The following PMPCB variants were observed in gnomAD, a reference collection of about 807,000 sequenced individuals.
PMPCB encodes mitochondrial-processing peptidase subunit beta.
In PMPCB, 46 loss-of-function variants were observed where a neutral mutation model predicts 61.5. The ratio of observed to expected loss-of-function variants is 0.75; its 90% CI spans 0.59 to 0.96. The LOEUF is 0.96. Ranked by LOEUF, PMPCB falls within the 40% of genes least tolerant of loss-of-function variation. The pLI is 0.00. For missense variants in PMPCB, 590 were observed against 602.4 expected (o/e 0.98, Z 0.22); for synonymous variants, 191 against 201.6 (o/e 0.95, Z 0.44).
chr7:103,321,372 G>T (rs1017959492), intron 12 of PMPCB, among the ~76,000 whole-genome samples: 2 of 151,954 alleles, frequency 1.3e-5, no homozygotes, highest in African/African-American at 4.8e-5. Flanking sequence ...CAAAAAATTA[G>T]CCAGGCGTGG....
At chr7:103,303,582 A>G (rs1261315450) in intron 4 of PMPCB, among the ~76,000 whole-genome samples, 1 of 152,188 alleles carries the variant, frequency 6.6e-6, no homozygotes, top group Non-Finnish European at 1.5e-5. Context: ...TTTCCATAGC[A>G]TTTTTTAAGT....
chr7:103,309,584 G>A (rs955145269), intron 8 of PMPCB, among the ~76,000 whole-genome samples: 7 of 152,128 alleles, frequency 4.6e-5, no homozygotes, highest in Non-Finnish European at 8.8e-5. Context: ...ACAGGAGAAT[G>A]TGCTTATATG....
intron 12 of PMPCB, chr7:103,322,751 T>G (rs767821808): frequency 3.7e-6 from 6 of 1,609,502 alleles, no homozygotes; most frequent in Non-Finnish European, 5.1e-6. Context: ...CTTTGTGCTC[T>G]TGTTGCTCTG....
At chr7:103,310,639 A>G (rs542599374) in intron 9 of PMPCB, 164 bp downstream of exon 9, 23 of 479,800 alleles carry the variant, frequency 4.8e-5, no homozygotes, top group African/African-American at 2.0e-5. Context: ...GGTTTTTCCT[A>G]AGTCTCAAGA....
Position 103,324,384 on chromosome 7 carries a change from A to G in PMPCB, c.*1432-4547A>G, listed in dbSNP as rs191449787. The G allele has an allele frequency of 3.0e-5, 33 of 1,103,522 alleles. No homozygotes were observed. In the African/African-American group the frequency reaches 4.9e-4, roughly 17 times the overall value. The allele number at this position is 1,103,522 out of a possible 1,614,324, so 68.4% of individuals were successfully genotyped here. A position where few individuals can be genotyped will look rare whatever the true frequency, so the allele number is the denominator to read the frequency against. ...GCTTTTGTTCAGTGAAGGTTCTGCA[A>G]TTTGTCCATCTGAATTAATTTATAA... is the stretch of plus-strand genomic sequence containing the variant. On this transcript the variant is annotated intron_variant and NMD_transcript_variant, in intron 12 of 12. Transcript: ENST00000444457.
chr7:103,297,806 A>T, intron 1 of PMPCB: 1 of 1,526,398 alleles, frequency 6.6e-7, no homozygotes, highest in Non-Finnish European at 8.8e-7. Flanking sequence ...CCAGCTACTG[A>T]GGAGTGCATG....
intron 6 of PMPCB, among the ~76,000 whole-genome samples, chr7:103,305,824 C>T (rs1281904976): frequency 1.3e-5 from 2 of 152,176 alleles, no homozygotes; most frequent in East Asian, 3.8e-4. Context: ...TTGGCTCTTG[C>T]AGACTTGGGC....
rs547775787 is a variant in PMPCB at position 103,325,605 on chromosome 7, T to C, written c.*1432-3326T>C. Among the ~76,000 whole-genome samples the C allele has an allele frequency of 2.0e-5, 3 of 152,284 alleles. No homozygotes were observed. In the South Asian group the frequency reaches 6.2e-4, roughly 32 times the overall value. On this transcript the variant is annotated intron_variant and NMD_transcript_variant, in intron 12 of 12. Coordinates refer to the PMPCB transcript ENST00000444457. ...AAATCCCCACAGAAATTCAAACCAATAAATCAGAATCTTTCCAGGTGGAAC... is the reference window on the plus strand; with the variant it reads ...AAATCCCCACAGAAATTCAAACCAACAAATCAGAATCTTTCCAGGTGGAAC...
In PMPCB at chr7:103,313,141, C is replaced by A. The variant is rs1401469659; in HGVS notation, c.*870C>A. Reference sequence around the variant, plus strand: ...TTTTTATTTGAAAACTGTCTTTGAACATGTTCTCAGACAAGTCTTGTGGTC... The same window carrying A: ...TTTTTATTTGAAAACTGTCTTTGAAAATGTTCTCAGACAAGTCTTGTGGTC... On this transcript the variant is annotated 3_prime_UTR_variant, in exon 13 of 13. Transcript: ENST00000249269. 2 of 1,577,530 alleles carry A rather than the reference C, an allele frequency of 1.3e-6. No homozygotes were observed. Among genetic ancestry groups the A allele is most frequent in the East Asian group, 4.5e-5 (2 of 44,478 alleles).
At chr7:103,307,271 T>C (rs1487654354) in intron 6 of PMPCB, among the ~76,000 whole-genome samples, 2 of 152,212 alleles carry the variant, frequency 1.3e-5, no homozygotes, top group Non-Finnish European at 2.9e-5. Context: ...TGGCATTTTT[T>C]GCTAGTTTGG....
At chr7:103,300,945 A>T (rs1299852972) in intron 4 of PMPCB, among the ~76,000 whole-genome samples, 1 of 152,198 alleles carries the variant, frequency 6.6e-6, no homozygotes, top group Non-Finnish European at 1.5e-5. Flanking sequence ...CGGCCTCCCA[A>T]AGTGCTGGGA....
chr7:103,298,864 G>T (rs564368663), intron 2 of PMPCB, among the ~76,000 whole-genome samples, 156 bp downstream of exon 2: 1 of 152,298 alleles, frequency 6.6e-6, no homozygotes, highest in African/African-American at 2.4e-5. Context: ...TTTTCTTCCA[G>T]TGGTACTTAG....
chr7:103,328,517 G>A lies in PMPCB; in HGVS notation c.*1432-414G>A, dbSNP rs371833697. On this transcript the variant is annotated intron_variant and NMD_transcript_variant, in intron 12 of 12. Coordinates refer to the PMPCB transcript ENST00000444457. Reference sequence around the variant, plus strand: ...GTGGTGGTGCATGCCTGTGGTCCCAGCTACTCAGGTGGCTCAGACATAAGA... The same window carrying A: ...GTGGTGGTGCATGCCTGTGGTCCCAACTACTCAGGTGGCTCAGACATAAGA... Among the ~76,000 whole-genome samples, 68 of 152,102 alleles carry A rather than the reference G, an allele frequency of 4.5e-4. 1 individual carries two copies. In the Middle Eastern group the frequency reaches 0.01, roughly 23 times the overall value.
intron 1 of PMPCB, chr7:103,297,899 C>G (rs963677415): frequency 7.4e-7 from 1 of 1,349,480 alleles, no homozygotes; most frequent in African/African-American, 1.5e-5. Context: ...CTATTTTTGC[C>G]TAAGACTGAA....
intron 9 of PMPCB, 140 bp downstream of exon 9, chr7:103,310,615 C>T (rs899767155): frequency 1.2e-5 from 6 of 510,802 alleles, no homozygotes; most frequent in South Asian, 3.3e-5. Context: ...GCCATGTTTT[C>T]AAAGGTTGCA....
the PMPCB span, among the ~76,000 whole-genome samples, chr7:103,338,457 T>C: frequency 2.0e-5 from 3 of 151,216 alleles, no homozygotes; most frequent in Non-Finnish European, 4.4e-5. Context: ...CCACCACGCC[T>C]GGCTAATTTG....
chr7:103,317,415 C>T (rs1283439504), downstream of PMPCB: 1 of 163,060 alleles, frequency 6.1e-6, no homozygotes, highest in Non-Finnish European at 1.3e-5. Flanking sequence ...AGCAAAATGG[C>T]CTCTTTTATT....
chr7:103,317,187 T>C (rs1006960398), downstream of PMPCB: 4 of 596,138 alleles, frequency 6.7e-6, no homozygotes, highest in Non-Finnish European at 1.2e-5. Flanking sequence ...TGGCTTCCAG[T>C]CTGCATAGGT....
the PMPCB span, among the ~76,000 whole-genome samples, chr7:103,346,817 AATGTGTGTGT>A: frequency 1.3e-5 from 1 of 77,452 alleles, no homozygotes; most frequent in Non-Finnish European, 2.8e-5. Context: ...AAGGCTGAAT[AATGTGTGTGT>A]GTGTGTGTGT....
Sources: allele counts gnomAD v4.1 joint callset (sites outside exome capture counted in the v4.1 genomes callset), GRCh38; gene constraint gnomAD v4.1.1; transcripts MANE v1.5; gene names NCBI Gene and HGNC (gene_info 2026-07-23, HGNC 2026-07-21).